Variants in CFAP221 observed in about 807,000 individuals in gnomAD.
The protein encoded by CFAP221 is cilia- and flagella-associated protein 221.
In CFAP221, 97 loss-of-function variants were observed where a neutral mutation model predicts 113.1. The observed-to-expected ratio is 0.86, with a 90% CI of 0.73 to 1.02. CFAP221 has a LOEUF of 1.02. Among genes scored for constraint, CFAP221 ranks in the 50% least tolerant of loss-of-function variants. The pLI, the probability that CFAP221 is intolerant of heterozygous loss-of-function variation, is 0.00. For synonymous variants in CFAP221, 331 were observed against 354.4 expected, an observed-to-expected ratio of 0.93 and a Z score of 0.74; for missense variants, 1,025 against 1,013.4, an observed-to-expected ratio of 1.01 and a Z score of -0.16.
In CFAP221 at chr2:119,630,860, G is replaced by T. The variant is rs761656123; in HGVS notation, c.1933G>T (p.Ala645Ser). 33 of 1,613,392 alleles carry T rather than the reference G, an allele frequency of 2.0e-5. No homozygotes were observed. The highest frequency in any genetic ancestry group is 2.6e-5 in the Non-Finnish European group (31 of 1,179,428). ...AGTCTTGAGCATGAAACCACCTGAG[G>T]CCTTAGCCATGTCTCTAGATTATGA... is the stretch of plus-strand genomic sequence containing the variant. Reference protein sequence around the residue: ...TSVLSMKPPEALAMSLDYDPL... With the variant: ...TSVLSMKPPESLAMSLDYDPL... The change falls in exon 19 of 24, where the codon GCC (alanine) becomes TCC (serine). Residue 645 changes from alanine (A) to serine (S), a missense_variant. Transcript: ENST00000413369.
chr2:119,546,831 T>C (rs28455196), intron 2 of CFAP221, among the ~76,000 whole-genome samples: 12,200 of 152,252 alleles, frequency 0.08, 1,068 homozygotes, highest in African/African-American at 0.22. Context: ...CATGTACATA[T>C]CCTGTGTCTG....
At chr2:119,658,588 A>G (rs1306565732), downstream of CFAP221, among the ~76,000 whole-genome samples, 1 of 152,086 alleles carries the variant, frequency 6.6e-6, no homozygotes, top group African/African-American at 2.4e-5. Flanking sequence ...GCTAGAAAAT[A>G]CAAGTATTTA....
chr2:119,548,960 A>G, intron 2 of CFAP221, 125 bp from the exon 3 acceptor site: 2 of 574,862 alleles, frequency 3.5e-6, no homozygotes, highest in Non-Finnish European at 2.9e-6. Context: ...AGCTGGATCC[A>G]ATGTCTGCAA....
chr2:119,622,863 G>C (rs5917117), intron 14 of CFAP221, among the ~76,000 whole-genome samples: 1 of 152,066 alleles, frequency 6.6e-6, no homozygotes, highest in Non-Finnish European at 1.5e-5. Context: ...TTGATGGAAC[G>C]TATCTCAAAA....
chr2:119,605,874 G>GTGGTCACATAAAAAAGATA (rs888269388), intron 11 of CFAP221, among the ~76,000 whole-genome samples: 2 of 152,076 alleles, frequency 1.3e-5, no homozygotes, highest in Non-Finnish European at 2.9e-5. Flanking sequence ...CCCAGCTGGA[G>GTGGTCACATAAAAAAGATA]TGGTCACATA....
Position 119,630,608 on chromosome 2 carries a change from C to A in CFAP221, c.1770C>A (p.Phe590Leu), listed in dbSNP as rs1458617828. 1.2e-6 allele frequency: 2 copies of A among 1,613,898 alleles called. No individual in the cohort carries two copies. ...ACAAAATTAAGAGATATCAGCCATTCTCTGTCCACAAGTCTTCAACAAGTT... is the reference window on the plus strand; with the variant it reads ...ACAAAATTAAGAGATATCAGCCATTATCTGTCCACAAGTCTTCAACAAGTT... The part of the protein sequence containing the change: ...QLYKIKRYQP[F>L]SVHKSSTSYR... Residue 590 changes from phenylalanine to leucine, a missense_variant, in exon 18 of 24, where the codon TTC becomes TTA. Physicochemically the swap from Phe to Leu is conservative, Grantham distance 22 (BLOSUM62 0). Coordinates refer to ENST00000413369, the MANE Select transcript of CFAP221 (RefSeq NM_001271049.2).
intron 8 of CFAP221, among the ~76,000 whole-genome samples, chr2:119,602,222 A>C (rs1268210381): frequency 6.6e-6 from 1 of 152,164 alleles, no homozygotes; most frequent in African/African-American, 2.4e-5. Flanking sequence ...TCTACTAAAA[A>C]TACAAAAATT....
Position 119,601,396 on chromosome 2 carries a change from G to C in CFAP221, c.791+19G>C, listed in dbSNP as rs1219841354. The C allele has an allele frequency of 2.0e-6, 3 of 1,482,930 alleles. No individual in the cohort carries two copies. The allele number at this position is 1,482,930 out of a possible 1,614,324, so 91.9% of individuals were successfully genotyped here. A position where few individuals can be genotyped will look rare whatever the true frequency, so the allele number is the denominator to read the frequency against. On this transcript the variant is annotated intron_variant, in intron 8 of 23. Transcript: ENST00000413369. ...CCTTACCGTATGGCGTCTTTGCAGTGTTTTTGTTTATTTTTAACCCTTTTT... is the reference window on the plus strand; with the variant it reads ...CCTTACCGTATGGCGTCTTTGCAGTCTTTTTGTTTATTTTTAACCCTTTTT...
chr2:119,607,088 T>C (rs1473388080), intron 11 of CFAP221, among the ~76,000 whole-genome samples: 1 of 152,250 alleles, frequency 6.6e-6, no homozygotes, highest in Non-Finnish European at 1.5e-5. Context: ...TAATCAGTCT[T>C]ATGGGCAAAT....
chr2:119,627,448 G>A (rs1191591100), intron 15 of CFAP221, among the ~76,000 whole-genome samples: 1 of 150,466 alleles, frequency 6.6e-6, no homozygotes, highest in African/African-American at 2.5e-5. Context: ...ATAGTTTTTT[G>A]GAAATAAAGA....
chr2:119,593,996 A>G (rs1279204000), intron 7 of CFAP221, among the ~76,000 whole-genome samples: 4 of 152,194 alleles, frequency 2.6e-5, no homozygotes, highest in South Asian at 4.1e-4. Flanking sequence ...CCCACCTCCA[A>G]CAGTGGGAAC....
chr2:119,559,710 G>C lies in CFAP221; in HGVS notation c.262G>C (p.Glu88Gln). The C allele has an allele frequency of 6.5e-7, 1 of 1,531,382 alleles. No individual in the cohort carries two copies. The highest frequency in any genetic ancestry group is 8.8e-7 in the Non-Finnish European group (1 of 1,142,748). 94.9% of individuals were successfully genotyped at this position (1,531,382 alleles called of 1,614,324 possible). ...QILHLVNVSN[E>Q]DTRVHILPPQ... is the part of the protein sequence containing the mutation. ...CCAGCATCTGGTCAATGTTTCCAAT[G>C]AAGACACACGTGTTCATATTTTACC... Residue 88 changes from glutamate to glutamine, a missense_variant, in exon 4 of 24, where the codon GAA becomes CAA. Transcript: ENST00000413369.
chr2:119,637,050 A>C (rs73948912), intron 19 of CFAP221, among the ~76,000 whole-genome samples: 1 of 152,070 alleles, frequency 6.6e-6, no homozygotes, highest in Non-Finnish European at 1.5e-5. Context: ...CCCTCACACT[A>C]TCCCCATAGG....
At position 119,585,099 on chromosome 2, in the gene CFAP221, C is replaced by G. The variant is rs150099854; in HGVS notation, c.528-2020C>G. Reference sequence around the variant, plus strand: ...TAATTATATAACAGAATACTCTTCACTCGTTAAAATGAATGCACAGAGCTT... The same window carrying G: ...TAATTATATAACAGAATACTCTTCAGTCGTTAAAATGAATGCACAGAGCTT... On this transcript the variant is annotated intron_variant, in intron 6 of 23. Transcript: ENST00000413369. 4.0e-3 allele frequency among the ~76,000 whole-genome samples: 609 copies of G among 152,280 alleles called. 3 individuals are homozygous for G. The highest frequency in any genetic ancestry group is 6.0e-3 in the Non-Finnish European group (410 of 68,028).
intron 7 of CFAP221, among the ~76,000 whole-genome samples, chr2:119,591,394 GGT>G (rs1159323078): frequency 9.6e-6 from 1 of 104,154 alleles, no homozygotes; most frequent in East Asian, 5.5e-4. Context: ...CTGTCACATT[GGT>G]AGCAATGGTC....
At chr2:119,610,919 C>T (rs768506683) in intron 12 of CFAP221, among the ~76,000 whole-genome samples, 96 of 152,064 alleles carry the variant, frequency 6.3e-4, no homozygotes, top group Non-Finnish European at 1.1e-3. Context: ...GACACTGAAC[C>T]CAGCCCAGCC....
chr2:119,652,140 G>A, intron 23 of CFAP221, 71 bp downstream of exon 23: 1 of 1,220,430 alleles, frequency 8.2e-7, no homozygotes, highest in East Asian at 2.5e-5. Context: ...AAGTACAAAA[G>A]TGTCATGTTG....
intron 1 of CFAP221, among the ~76,000 whole-genome samples, chr2:119,545,828 T>G (rs914709860): frequency 1.3e-5 from 2 of 152,156 alleles, no homozygotes; most frequent in Non-Finnish European, 2.9e-5. Context: ...CAGAAGTACA[T>G]TTCAGGAAAA....
chr2:119,605,802 A>G (rs1474190914), intron 11 of CFAP221, among the ~76,000 whole-genome samples: 1 of 152,128 alleles, frequency 6.6e-6, no homozygotes, highest in Non-Finnish European at 1.5e-5. Flanking sequence ...AAGCATATGC[A>G]TGTGTACAGA....
Sources: gnomAD v4.1 joint callset for allele counts (sites outside exome capture counted in the v4.1 genomes callset) on GRCh38, gnomAD v4.1.1 for gene constraint, MANE v1.5 for transcripts, NCBI Gene and HGNC (gene_info 2026-07-23, HGNC 2026-07-21) for gene names.